The following COBLL1 variants were observed in gnomAD, a reference collection of about 807,000 sequenced individuals.
COBLL1 encodes cordon-bleu WH2 repeat protein like 1.
Under a neutral mutation model 94.8 loss-of-function variants are expected in COBLL1, and 50 were observed. That is an observed-to-expected ratio of 0.53 (90% confidence interval 0.42 to 0.67). The LOEUF is 0.67. Ranked by LOEUF, COBLL1 falls within the 30% of genes least tolerant of loss-of-function variation. The probability of loss-of-function intolerance (pLI) is 0.00; values close to 1 mark genes in which losing one functional copy is unlikely to be tolerated. For missense variants in COBLL1, 1,362 were observed against 1,348.7 expected (o/e 1.01, Z -0.15); for synonymous variants, 448 against 473.8 (o/e 0.95, Z 0.71).
rs999531239 is a variant in COBLL1, at chr2:164,833,569, G to A, written c.41+7587C>T. 2.0e-5 allele frequency among the ~76,000 whole-genome samples: 3 copies of A among 151,326 alleles called. No homozygotes were observed. The East Asian group carries it at 5.9e-4, about 30-fold the overall frequency. ...GGGTTCACGCCATTCTCCTGCCTCA[G>A]CCTCCCGAGTAGCTGGGATTACAGG... On this transcript the variant is annotated intron_variant, in intron 2 of 13. Transcript: ENST00000652658.
chr2:164,777,999 CCAG>C (rs1423087771), intron 2 of COBLL1, among the ~76,000 whole-genome samples: 1 of 152,192 alleles, frequency 6.6e-6, no homozygotes, highest in East Asian at 1.9e-4. Flanking sequence ...AAACTCTAAG[CCAG>C]TGGCTAGATC....
chr2:164,695,464 G>A lies in COBLL1; in HGVS notation c.1928C>T (p.Ser643Leu), dbSNP rs1241724160. 6.2e-7 allele frequency: 1 copy of A among 1,613,760 alleles called. No individual in the cohort carries two copies. The highest frequency in any genetic ancestry group is 1.3e-5 in the African/African-American group (1 of 74,906). The part of the protein sequence containing the change: ...TSNNNISTQH[S>L]CLSSQDSVNT... ...TACAGAATCTTGTGAACTTAAGCAT[G>A]AGTGTTGAGTTGATATGTTGTTATT... Residue 643 changes from serine (S) to leucine (L), a missense_variant, in exon 12 of 14, where the codon TCA (serine) becomes TTA (leucine). By Grantham distance (145) the Ser-to-Leu change is moderately radical. Coordinates refer to ENST00000652658, the MANE Select transcript of COBLL1 (RefSeq NM_001365672.2).
chr2:164,766,835 TATTC>T (rs1558994861), intron 2 of COBLL1, among the ~76,000 whole-genome samples: 1 of 152,152 alleles, frequency 6.6e-6, no homozygotes, highest in African/African-American at 2.4e-5. Context: ...GACCAACAGA[TATTC>T]AAGAACCATA....
At chr2:164,740,889 G>T (rs75814189) in intron 3 of COBLL1, among the ~76,000 whole-genome samples, 10 of 150,884 alleles carry the variant, frequency 6.6e-5, no homozygotes, top group Admixed American at 2.6e-4. Context: ...TTACACGAGG[G>T]GGGGAAAAGT....
In COBLL1 at chr2:164,709,447, G is replaced by A. The variant is rs551887715; in HGVS notation, c.997-4342C>T. Among the ~76,000 whole-genome samples, 6 of 152,328 alleles carry A rather than the reference G, an allele frequency of 3.9e-5. No homozygotes were observed. In the East Asian group the frequency reaches 5.8e-4, roughly 15 times the overall value. ...AGAAAAAAGACATTGGCTGGGTGCC[G>A]TGGCTCACGCCTGTAATCCCAGCAC... On this transcript the variant is annotated intron_variant, in intron 7 of 13. Coordinates refer to ENST00000652658, the MANE Select transcript of COBLL1 (RefSeq NM_001365672.2).
chr2:164,718,283 T>C (rs991832843), intron 7 of COBLL1: 1 of 982,654 alleles, frequency 1.0e-6, no homozygotes, highest in African/African-American at 1.7e-5. Context: ...TTAACAATGC[T>C]GCAAGCATTA....
At chr2:164,818,285 T>C (rs188998619) in intron 2 of COBLL1, among the ~76,000 whole-genome samples, 73 of 148,238 alleles carry the variant, frequency 4.9e-4, no homozygotes, top group Middle Eastern at 3.5e-3. Flanking sequence ...TGTATACATA[T>C]ATGTATGTAT....
intron 5 of COBLL1, chr2:164,722,941 GA>G (rs1207913093): frequency 6.6e-6 from 1 of 152,524 alleles, no homozygotes; most frequent in Admixed American, 6.5e-5. Context: ...AAACAACTAT[GA>G]AATATCTTAT....
intron 13 of COBLL1, among the ~76,000 whole-genome samples, chr2:164,688,796 T>A (rs1042878804): frequency 6.6e-6 from 1 of 152,144 alleles, no homozygotes; most frequent in Admixed American, 6.5e-5. Context: ...TTTCCTTCCC[T>A]CCACCTTCTG....
intron 2 of COBLL1, chr2:164,837,587 A>C (rs1683375817): frequency 2.4e-6 from 1 of 417,440 alleles, no homozygotes; most frequent in Non-Finnish European, 4.8e-6. Context: ...CTAGATCACT[A>C]TGTAAGTTAA....
At chr2:164,824,120 G>A (rs889251605) in intron 2 of COBLL1, among the ~76,000 whole-genome samples, 2 of 152,178 alleles carry the variant, frequency 1.3e-5, no homozygotes, top group African/African-American at 2.4e-5. Flanking sequence ...AGTGGCTCAT[G>A]CCTGTAATCC....
intron 7 of COBLL1, among the ~76,000 whole-genome samples, chr2:164,711,224 G>A (rs913126755): frequency 3.9e-5 from 6 of 152,164 alleles, no homozygotes; most frequent in African/African-American, 1.4e-4. Flanking sequence ...ATAGCACAGT[G>A]CCTAGCATAC....
chr2:164,711,083 C>T lies in COBLL1; in HGVS notation c.997-5978G>A, dbSNP rs190953067. ...AAATGGGTTTTGGAGTCAATACAAG[C>T]GGTTGAACCAGGAAACATGCCATTT... On this transcript the variant is annotated intron_variant, in intron 7 of 13. Coordinates refer to ENST00000652658, the MANE Select transcript of COBLL1 (RefSeq NM_001365672.2). Among the ~76,000 whole-genome samples, 8 of 152,230 alleles carry T rather than the reference C, an allele frequency of 5.3e-5. No individual in the cohort carries two copies. In the East Asian group the frequency reaches 1.2e-3, roughly 22 times the overall value.
intron 7 of COBLL1, among the ~76,000 whole-genome samples, chr2:164,707,281 C>T (rs1040365038): frequency 2.0e-5 from 3 of 152,056 alleles, no homozygotes; most frequent in African/African-American, 7.2e-5. Flanking sequence ...GCTGGGATTT[C>T]AGGCATGCAA....
chr2:164,822,549 A>G (rs1485546061), intron 2 of COBLL1, among the ~76,000 whole-genome samples: 2 of 152,096 alleles, frequency 1.3e-5, no homozygotes, highest in African/African-American at 4.8e-5. Flanking sequence ...AAGTCTTGCC[A>G]TTAATTATCT....
Position 164,695,809 on chromosome 2 carries a change from G to T in COBLL1, c.1583C>A (p.Pro528Gln). 1 of 1,583,822 alleles carries T rather than the reference G, an allele frequency of 6.3e-7. No individual in the cohort carries two copies. Among genetic ancestry groups the T allele is most frequent in the Non-Finnish European group, 8.6e-7 (1 of 1,168,822 alleles). The change falls in exon 12 of 14, where the codon CCA (proline) becomes CAA (glutamine). Residue 528 changes from proline (P) to glutamine (Q), a missense_variant. Physicochemically the swap from Pro to Gln is moderately conservative, Grantham distance 76. Coordinates refer to ENST00000652658, the MANE Select transcript of COBLL1 (RefSeq NM_001365672.2). ...NVVQNEIIVY[P>Q]ENTEDNMKNG... is the part of the protein sequence containing the mutation. ...TTTCATATTGTCTTCTGTGTTCTCTGGATAGACAATTATTTCATTTTGAAC... is the reference window on the plus strand; with the variant it reads ...TTTCATATTGTCTTCTGTGTTCTCTTGATAGACAATTATTTCATTTTGAAC...
chr2:164,660,330 A>G (rs1691050313), intron 2 of COBLL1, among the ~76,000 whole-genome samples: 1 of 152,158 alleles, frequency 6.6e-6, no homozygotes, highest in African/African-American at 2.4e-5. Flanking sequence ...ACTGTTGTTA[A>G]TGTGTTATTG....
intron 2 of COBLL1, among the ~76,000 whole-genome samples, chr2:164,795,305 A>ACCTC (rs991117527): frequency 3.9e-5 from 6 of 152,214 alleles, no homozygotes; most frequent in Admixed American, 2.6e-4. Context: ...GAGGAGAGAG[A>ACCTC]GAGGAAAGAT....
chr2:164,767,595 C>T (rs1489306049), intron 2 of COBLL1, among the ~76,000 whole-genome samples: 2 of 152,152 alleles, frequency 1.3e-5, no homozygotes, highest in African/African-American at 2.4e-5. Context: ...CAAAGGCTTG[C>T]CTTTGATGTT....
Sources: gnomAD v4.1 joint callset for allele counts (sites outside exome capture counted in the v4.1 genomes callset) on GRCh38, gnomAD v4.1.1 for gene constraint, MANE v1.5 for transcripts, NCBI Gene and HGNC (gene_info 2026-07-23, HGNC 2026-07-21) for gene names.